Variants in PRKN observed in about 807,000 individuals in gnomAD.
The protein encoded by PRKN is parkin RBR E3 ubiquitin protein ligase.
In PRKN, 56 loss-of-function variants were observed where a neutral mutation model predicts 59.5. The ratio of observed to expected loss-of-function variants is 0.94; its 90% CI spans 0.76 to 1.18. The LOEUF (loss-of-function observed/expected upper bound fraction) is 1.18. Ranked by LOEUF, PRKN falls within the 50% of genes most tolerant of loss-of-function variation. The pLI is 0.00. For missense variants in PRKN, 657 were observed against 596.4 expected (o/e 1.10, Z -1.06); for synonymous variants, 250 against 222.1 (o/e 1.13, Z -1.12).
At chr6:162,225,097 A>G (rs1433570093) in intron 3 of PRKN, among the ~76,000 whole-genome samples, 2 of 152,206 alleles carry the variant, frequency 1.3e-5, no homozygotes, top group East Asian at 1.9e-4. Context: ...TCTGGGCTGC[A>G]TCATAACATG....
chr6:162,326,560 T>G (rs1308670710), intron 2 of PRKN, among the ~76,000 whole-genome samples: 1 of 152,156 alleles, frequency 6.6e-6, no homozygotes, highest in African/African-American at 2.4e-5. Flanking sequence ...ATTAGAAACA[T>G]CTTACTTAAG....
chr6:162,511,905 AATG>A (rs978995401), intron 1 of PRKN, among the ~76,000 whole-genome samples: 2 of 152,184 alleles, frequency 1.3e-5, no homozygotes, highest in Non-Finnish European at 1.5e-5. Context: ...TTACACTGAA[AATG>A]ATGATGTCTC....
At chr6:162,169,648 T>C (rs1783167396) in intron 4 of PRKN, among the ~76,000 whole-genome samples, 1 of 152,206 alleles carries the variant, frequency 6.6e-6, no homozygotes, top group African/African-American at 2.4e-5. Context: ...TAATTGTGTA[T>C]CTCCTCTGTA....
At chr6:162,631,539 T>A (rs1278764262) in intron 1 of PRKN, among the ~76,000 whole-genome samples, 2 of 152,124 alleles carry the variant, frequency 1.3e-5, no homozygotes, top group Non-Finnish European at 1.5e-5. Flanking sequence ...AAATTTTTTT[T>A]ATTGTGTTTT....
chr6:162,357,630 T>C (rs771003391), intron 2 of PRKN, among the ~76,000 whole-genome samples: 5 of 152,200 alleles, frequency 3.3e-5, no homozygotes, highest in Admixed American at 6.5e-5. Flanking sequence ...GCAATCACAC[T>C]TTATTCATAT....
intron 2 of PRKN, among the ~76,000 whole-genome samples, chr6:162,335,585 G>A (rs1320029677): frequency 6.6e-6 from 1 of 152,054 alleles, no homozygotes; most frequent in Admixed American, 6.5e-5. Flanking sequence ...TTCTTAAAAA[G>A]CAATATGTTT....
At chr6:161,927,695 A>C (rs978795496) in intron 6 of PRKN, among the ~76,000 whole-genome samples, 23 of 152,128 alleles carry the variant, frequency 1.5e-4, no homozygotes, top group African/African-American at 4.6e-4. Context: ...ACTTTGCTTG[A>C]ACTTGGGAGG....
At chr6:161,752,098 T>A (rs1040451665) in intron 7 of PRKN, among the ~76,000 whole-genome samples, 1 of 152,224 alleles carries the variant, frequency 6.6e-6, no homozygotes, top group Non-Finnish European at 1.5e-5. Flanking sequence ...GACAGGGAAC[T>A]GATTTAATTT....
chr6:162,199,208 CTG>C (rs1328530872), intron 4 of PRKN, among the ~76,000 whole-genome samples: 1 of 136,962 alleles, frequency 7.3e-6, no homozygotes, highest in Non-Finnish European at 1.6e-5. Flanking sequence ...GTAATTATAT[CTG>C]TGTGTTAAAA....
chr6:161,460,052 T>C lies in PRKN; in HGVS notation c.1084-73175A>G, dbSNP rs1790134889. On this transcript the variant is annotated intron_variant, in intron 9 of 11. Transcript: ENST00000366898. The surrounding 1 kb of genome is among the most constrained non-coding windows in gnomAD (Gnocchi z 5.0). ...CATCCATTCATCCAACCATTCAACTTTTAATGTGTCCCCACAGGGTGAAGC... is the reference window on the plus strand; with the variant it reads ...CATCCATTCATCCAACCATTCAACTCTTAATGTGTCCCCACAGGGTGAAGC... Among the ~76,000 whole-genome samples, 1 of 152,216 alleles carries C rather than the reference T, an allele frequency of 6.6e-6. No homozygotes were observed. Among genetic ancestry groups the C allele is most frequent in the Non-Finnish European group, 1.5e-5 (1 of 68,040 alleles).
intron 1 of PRKN, among the ~76,000 whole-genome samples, chr6:162,722,481 T>A (rs572702553): frequency 6.6e-6 from 1 of 152,282 alleles, no homozygotes; most frequent in East Asian, 1.9e-4. Context: ...CCATTCAGAT[T>A]ACTACGAAGA....
At position 161,554,401 on chromosome 6, in the gene PRKN, T is replaced by TACACAC. The variant is rs1486650809; in HGVS notation, c.934-5399_934-5398insGTGTGT. On this transcript the variant is annotated intron_variant, in intron 8 of 11. Coordinates refer to ENST00000366898, the MANE Select transcript of PRKN (RefSeq NM_004562.3). This position sits in a 1 kb window ranked among gnomAD's most constrained non-coding sequence, Gnocchi z 4.5. ...CTTAACCTTCATGTTATCTTACTTC[T>TACACAC]ATACACACACACACACACACACACA... Among the ~76,000 whole-genome samples the TACACAC allele has an allele frequency of 2.3e-4, 9 of 39,346 alleles. No individual in the cohort carries two copies. Among genetic ancestry groups the TACACAC allele is most frequent in the Admixed American group, 2.1e-3 (6 of 2,844 alleles). The allele number at this position is 39,346 out of a possible 152,430, so 25.8% of individuals were successfully genotyped here.
chr6:162,275,969 C>G (rs913997673), intron 2 of PRKN, among the ~76,000 whole-genome samples: 3 of 152,138 alleles, frequency 2.0e-5, no homozygotes, highest in Non-Finnish European at 4.4e-5. Context: ...AGACTCCAGT[C>G]TGCTTTGAAC....
intron 6 of PRKN, among the ~76,000 whole-genome samples, chr6:161,935,448 G>C (rs1272002891): frequency 6.6e-6 from 1 of 151,836 alleles, no homozygotes; most frequent in East Asian, 1.9e-4. Flanking sequence ...CAGCTACTAG[G>C]GAGGCTGAGG....
intron 1 of PRKN, among the ~76,000 whole-genome samples, chr6:162,681,838 C>T (rs1306337694): frequency 1.3e-5 from 2 of 151,782 alleles, no homozygotes; most frequent in South Asian, 2.1e-4. Flanking sequence ...CCAAATAGAC[C>T]CAACTCCCAC....
intron 1 of PRKN, among the ~76,000 whole-genome samples, chr6:162,596,825 T>G (rs576937269): frequency 6.6e-6 from 1 of 152,248 alleles, no homozygotes; most frequent in East Asian, 1.9e-4. Flanking sequence ...GGGTGAATTA[T>G]TTCTACCAGG....
At chr6:161,653,768 G>A (rs780685800) in intron 7 of PRKN, among the ~76,000 whole-genome samples, 5 of 152,162 alleles carry the variant, frequency 3.3e-5, no homozygotes, top group Admixed American at 1.3e-4. Context: ...TTTGTTAGGA[G>A]AGCACATTTA....
chr6:161,658,203 G>T (rs1326210339), intron 7 of PRKN, among the ~76,000 whole-genome samples: 1 of 136,728 alleles, frequency 7.3e-6, no homozygotes, highest in African/African-American at 3.0e-5. Context: ...ATATTAAATT[G>T]TATTTTTTTT....
At chr6:162,069,779 T>A (rs1778496505) in intron 4 of PRKN, among the ~76,000 whole-genome samples, 1 of 152,152 alleles carries the variant, frequency 6.6e-6, no homozygotes, top group Non-Finnish European at 1.5e-5. Context: ...AGGAAAACAA[T>A]AATTAAGAGA....
Sources: allele counts gnomAD v4.1 joint callset (sites outside exome capture counted in the v4.1 genomes callset), GRCh38; gene constraint gnomAD v4.1.1; non-coding constraint Gnocchi (gnomAD v3.1); transcripts MANE v1.5; gene names NCBI Gene and HGNC (gene_info 2026-07-23, HGNC 2026-07-21).